SDK2: variants seen among roughly 807,000 people sequenced by gnomAD.
The protein encoded by SDK2 is sidekick cell adhesion molecule 2.
A neutral mutation model predicts 253.9 loss-of-function variants in SDK2; 105 were observed. The observed-to-expected ratio is 0.41, with a 90% CI of 0.35 to 0.49. The LOEUF is 0.49. SDK2 is among the 20% of genes least tolerant of loss of function. The probability of loss-of-function intolerance (pLI) is 0.06; values close to 1 mark genes in which losing one functional copy is unlikely to be tolerated. For missense variants in SDK2, 2,608 were observed against 3,003.0 expected, an observed-to-expected ratio of 0.87 and a Z score of 3.07; for synonymous variants, 1,249 against 1,234.9, an observed-to-expected ratio of 1.01 and a Z score of -0.24.
At chr17:73,414,038 T>G (rs1369210576) in intron 18 of SDK2, among the ~76,000 whole-genome samples, 4 of 151,866 alleles carry the variant, frequency 2.6e-5, no homozygotes, top group Non-Finnish European at 4.4e-5. Flanking sequence ...TTTCTTCTTT[T>G]TCTCTCTCTC....
chr17:73,398,044 C>A lies in SDK2; in HGVS notation c.3345G>T (p.Leu1115=), dbSNP rs768679122. ...LRTASETSLW[L]RWMPLPEMEY... is the part of the protein sequence containing the mutation. ...CTCGAGGGAGCCTTACCATCCAGCG[C>A]AGCCACAGGCTGGTCTCACTGGCTG... The change falls in exon 24 of 45, where the codon CTG becomes CTT. Residue 1115 remains leucine, a synonymous_variant. Coordinates refer to ENST00000392650, the MANE Select transcript of SDK2 (RefSeq NM_001144952.2). 3.1e-6 allele frequency: 5 copies of A among 1,611,998 alleles called. No homozygotes were observed. In the South Asian group the frequency reaches 5.5e-5, roughly 18 times the overall value.
intron 25 of SDK2, among the ~76,000 whole-genome samples, chr17:73,394,609 G>C (rs975937091): frequency 6.6e-6 from 1 of 152,218 alleles, no homozygotes; most frequent in African/African-American, 2.4e-5. Context: ...ACAGCAGAGA[G>C]GGCTGGCAGA....
intron 36 of SDK2, among the ~76,000 whole-genome samples, chr17:73,370,064 C>T (rs908780834): frequency 6.6e-6 from 1 of 152,184 alleles, no homozygotes; most frequent in East Asian, 1.9e-4. Flanking sequence ...TCATTTGGCG[C>T]CCCCTGCTGG....
chr17:73,611,199 C>T lies in SDK2; in HGVS notation c.64+32826G>A, dbSNP rs145299696. ...CTCTCCCAGGAGGGGGATTTAGAAT[C>T]TCACTTTCTCTCCTTTTATCCCACT... On this transcript the variant is annotated intron_variant, in intron 1 of 44. Coordinates refer to ENST00000392650, the MANE Select transcript of SDK2 (RefSeq NM_001144952.2). 2.0e-5 allele frequency among the ~76,000 whole-genome samples: 3 copies of T among 152,314 alleles called. No individual in the cohort carries two copies. The East Asian group carries it at 5.8e-4, about 29-fold the overall frequency.
chr17:73,422,915 G>A (rs189396648), intron 14 of SDK2, among the ~76,000 whole-genome samples: 5 of 152,188 alleles, frequency 3.3e-5, no homozygotes, highest in East Asian at 3.9e-4. Context: ...CAACTACTTC[G>A]GAGGCTGAGA....
chr17:73,458,772 G>A (rs1185602532), intron 3 of SDK2, among the ~76,000 whole-genome samples: 2 of 152,224 alleles, frequency 1.3e-5, no homozygotes, highest in South Asian at 2.1e-4. Context: ...TTGGGAGGCT[G>A]AGGCAGGCGG....
At chr17:73,374,743 C>T (rs1407991380) in intron 36 of SDK2, among the ~76,000 whole-genome samples, 3 of 152,134 alleles carry the variant, frequency 2.0e-5, no homozygotes, top group South Asian at 2.1e-4. Context: ...GCTGGGATTA[C>T]AGGTGTGAGC....
At chr17:73,466,797 A>C (rs992806753) in intron 3 of SDK2, among the ~76,000 whole-genome samples, 5 of 134,598 alleles carry the variant, frequency 3.7e-5, no homozygotes, top group Non-Finnish European at 7.7e-5. Flanking sequence ...GCTGGGCCCC[A>C]TGGGTCATGA....
At position 73,465,195 on chromosome 17, in the gene SDK2, A is replaced by T. The variant is rs1034472205; in HGVS notation, c.331+6917T>A. On this transcript the variant is annotated intron_variant, in intron 3 of 44. Coordinates refer to ENST00000392650, the MANE Select transcript of SDK2 (RefSeq NM_001144952.2). The surrounding 1 kb of genome is among the most constrained non-coding windows in gnomAD (Gnocchi z 4.2). ...TAGGATTACTCCTAACCCACATGAC[A>T]GCGGGCTTGTTCCCCTCCAATTGTC... Among the ~76,000 whole-genome samples the T allele has an allele frequency of 1.3e-5, 2 of 152,010 alleles. No individual in the cohort carries two copies. Among genetic ancestry groups the T allele is most frequent in the Non-Finnish European group, 2.9e-5 (2 of 68,022 alleles).
intron 22 of SDK2, among the ~76,000 whole-genome samples, chr17:73,398,940 C>T (rs916676635): frequency 1.3e-5 from 2 of 152,130 alleles, no homozygotes; most frequent in Admixed American, 6.5e-5. Context: ...TTCTAGGCAC[C>T]CCCCGACCCA....
chr17:73,597,442 G>T (rs1390807229), intron 1 of SDK2, among the ~76,000 whole-genome samples: 1 of 152,194 alleles, frequency 6.6e-6, no homozygotes, highest in Non-Finnish European at 1.5e-5. Flanking sequence ...TTTGCTTATA[G>T]AACTCTGCGA....
intron 1 of SDK2, among the ~76,000 whole-genome samples, chr17:73,559,594 C>T (rs1227124059): frequency 8.3e-6 from 1 of 120,060 alleles, no homozygotes; most frequent in Admixed American, 7.8e-5. Flanking sequence ...ACTCCGCTCC[C>T]TGTGCCCCCC....
intron 1 of SDK2, among the ~76,000 whole-genome samples, chr17:73,641,750 C>T (rs1350106734): frequency 2.6e-5 from 4 of 152,076 alleles, no homozygotes; most frequent in Non-Finnish European, 4.4e-5. Context: ...CTAGTGGCTT[C>T]AGCTACCCCC....
At chr17:73,457,450 A>C (rs75321751) in intron 3 of SDK2, among the ~76,000 whole-genome samples, 63,702 of 150,164 alleles carry the variant, frequency 0.42, 13,967 homozygotes, top group Admixed American at 0.52. Flanking sequence ...TCCCAGGTTC[A>C]AGTGATTCTC....
chr17:73,593,542 G>C (rs1250734118), intron 1 of SDK2, among the ~76,000 whole-genome samples: 2 of 152,160 alleles, frequency 1.3e-5, no homozygotes, highest in Non-Finnish European at 2.9e-5. Context: ...AATAGACCCA[G>C]AGGCAGAACA....
At chr17:73,350,077 G>C (rs1339049008) in intron 43 of SDK2, among the ~76,000 whole-genome samples, 160 bp downstream of exon 43, 1 of 143,744 alleles carries the variant, frequency 7.0e-6, no homozygotes, top group African/African-American at 2.5e-5. Flanking sequence ...GGGCCCCACT[G>C]TGTCTTTCTG....
intron 1 of SDK2, among the ~76,000 whole-genome samples, chr17:73,549,951 A>G (rs1322172848): frequency 1.3e-5 from 2 of 152,098 alleles, no homozygotes; most frequent in Admixed American, 6.5e-5. Flanking sequence ...AGAATCTGGA[A>G]TGAGACTGTG....
At chr17:73,495,815 G>A (rs1053422222) in intron 2 of SDK2, among the ~76,000 whole-genome samples, 4 of 152,066 alleles carry the variant, frequency 2.6e-5, no homozygotes, top group African/African-American at 7.2e-5. Context: ...TGAGGATTTC[G>A]CCATTTCCAA....
intron 1 of SDK2, among the ~76,000 whole-genome samples, chr17:73,597,700 C>T (rs2045779233): frequency 1.3e-5 from 2 of 150,942 alleles, no homozygotes; most frequent in Admixed American, 1.3e-4. Flanking sequence ...GGCTGGAGTG[C>T]AGTGGCACGA....
Sources: gnomAD v4.1 joint callset for allele counts (sites outside exome capture counted in the v4.1 genomes callset) on GRCh38, gnomAD v4.1.1 for gene constraint, Gnocchi (gnomAD v3.1) non-coding constraint, MANE v1.5 for transcripts, NCBI Gene and HGNC (gene_info 2026-07-23, HGNC 2026-07-21) for gene names.